Variants in PRKCH observed in about 807,000 individuals in gnomAD.
The protein encoded by PRKCH is protein kinase C eta.
PRKCH carries 28 observed loss-of-function variants against 82.5 expected under a neutral mutation model. The ratio of observed to expected loss-of-function variants is 0.34; its 90% confidence interval spans 0.25 to 0.47. PRKCH has a LOEUF of 0.47. Among genes scored for constraint, PRKCH ranks in the 20% least tolerant of loss-of-function variants. The probability of loss-of-function intolerance (pLI) is 1.00; values close to 1 mark genes in which losing one functional copy is unlikely to be tolerated. For missense variants in PRKCH, 705 were observed against 881.8 expected, an observed-to-expected ratio of 0.80 and a Z score of 2.54; for synonymous variants, 322 against 327.4, an observed-to-expected ratio of 0.98 and a Z score of 0.18.
At chr14:61,332,140 T>C (rs2045797051) in intron 1 of PRKCH, among the ~76,000 whole-genome samples, 1 of 152,222 alleles carries the variant, frequency 6.6e-6, no homozygotes, top group African/African-American at 2.4e-5. Context: ...AGCATTATTG[T>C]CCCAAAGTAT....
chr14:61,214,388 G>A (rs1297623464), intron 1 of PRKCH, among the ~76,000 whole-genome samples: 3 of 152,100 alleles, frequency 2.0e-5, no homozygotes, highest in Admixed American at 1.3e-4. Flanking sequence ...TCCAGTCTAT[G>A]TCTGTCATTC....
At chr14:61,348,831 A>C (rs150520608) in intron 1 of PRKCH, among the ~76,000 whole-genome samples, 3 of 152,342 alleles carry the variant, frequency 2.0e-5, no homozygotes, top group Non-Finnish European at 4.4e-5. Flanking sequence ...ATAATCAGTG[A>C]GTCACCCTCC....
intron 1 of PRKCH, among the ~76,000 whole-genome samples, chr14:61,292,530 T>C (rs575775790): frequency 1.1e-3 from 167 of 151,886 alleles, no homozygotes; most frequent in Non-Finnish European, 1.5e-3. Flanking sequence ...ATCCCAGCAC[T>C]TTTGGAGGCT....
chr14:61,455,506 C>A (rs1884724508), intron 7 of PRKCH, among the ~76,000 whole-genome samples: 1 of 152,086 alleles, frequency 6.6e-6, no homozygotes, highest in Admixed American at 6.5e-5. Flanking sequence ...TATTTGAAAT[C>A]CGGTCTGTCT....
chr14:61,259,349 C>T (rs1004283831), intron 1 of PRKCH, among the ~76,000 whole-genome samples: 6 of 152,200 alleles, frequency 3.9e-5, no homozygotes, highest in Non-Finnish European at 7.3e-5. Context: ...TTATCAAAAG[C>T]ATTTTCTGGG....
intron 2 of PRKCH, among the ~76,000 whole-genome samples, chr14:61,428,672 A>T (rs568403119): frequency 6.6e-6 from 1 of 152,270 alleles, no homozygotes; most frequent in South Asian, 2.1e-4. Flanking sequence ...TAATTGATCT[A>T]CTTTACTTCG....
At chr14:61,322,695 A>G in intron 1 of PRKCH, 1 of 544,590 alleles carries the variant, frequency 1.8e-6, no homozygotes, top group Non-Finnish European at 3.1e-6. Context: ...CTTTCAGGAC[A>G]GCGGCTTGGC....
chr14:61,329,700 CATT>C (rs1400564774), intron 1 of PRKCH, among the ~76,000 whole-genome samples: 1 of 152,312 alleles, frequency 6.6e-6, no homozygotes, highest in Non-Finnish European at 1.5e-5. Flanking sequence ...CTTCAGGTCT[CATT>C]ATGGGCATTA....
At chr14:61,429,995 C>T (rs570616830) in intron 2 of PRKCH, among the ~76,000 whole-genome samples, 48 of 152,268 alleles carry the variant, frequency 3.2e-4, no homozygotes, top group African/African-American at 1.1e-3. Context: ...CTTCAGTCTA[C>T]ACATACATAG....
intron 10 of PRKCH, among the ~76,000 whole-genome samples, chr14:61,515,803 T>G (rs2042818512): frequency 1.3e-5 from 2 of 152,212 alleles, no homozygotes; most frequent in Admixed American, 1.3e-4. Flanking sequence ...TCTTTATCAG[T>G]GTTGATTCTT....
intron 1 of PRKCH, among the ~76,000 whole-genome samples, chr14:61,217,583 C>A (rs1317031867): frequency 2.6e-5 from 4 of 152,290 alleles, no homozygotes; most frequent in Non-Finnish European, 5.9e-5. Flanking sequence ...ATCTTCCCAA[C>A]CTCTCCATAG....
intron 7 of PRKCH, among the ~76,000 whole-genome samples, chr14:61,455,303 G>A (rs1046304978): frequency 1.3e-4 from 19 of 151,166 alleles, no homozygotes; most frequent in Admixed American, 9.2e-4. Flanking sequence ...GCCTCCCAAC[G>A]TGCTGGGATT....
At chr14:61,439,975 T>C (rs1287794644) in intron 2 of PRKCH, among the ~76,000 whole-genome samples, 1 of 152,206 alleles carries the variant, frequency 6.6e-6, no homozygotes, top group African/African-American at 2.4e-5. Flanking sequence ...ATCTTTGTAG[T>C]ATTAAGGGAT....
intron 2 of PRKCH, among the ~76,000 whole-genome samples, chr14:61,394,180 T>A (rs2046731638): frequency 6.6e-6 from 1 of 152,198 alleles, no homozygotes; most frequent in African/African-American, 2.4e-5. Context: ...GTTTTAATGT[T>A]AAAGTTTTTC....
At chr14:61,353,815 T>A in intron 1 of PRKCH, 1 of 152,108 alleles carries the variant, frequency 6.6e-6, no homozygotes, top group Non-Finnish European at 1.5e-5. Flanking sequence ...CACATGACTG[T>A]GGTCCTAGCT....
intron 2 of PRKCH, among the ~76,000 whole-genome samples, chr14:61,410,027 CTG>C (rs1213958016): frequency 6.6e-6 from 1 of 152,132 alleles, no homozygotes; most frequent in Non-Finnish European, 1.5e-5. Context: ...TTGGTTCACT[CTG>C]TGTATTTTTA....
intron 1 of PRKCH, among the ~76,000 whole-genome samples, chr14:61,323,352 C>T (rs2140118700): frequency 6.6e-6 from 1 of 152,288 alleles, no homozygotes; most frequent in African/African-American, 2.4e-5. Context: ...CTAATCCTCA[C>T]ACTGTCTTTG....
intron 2 of PRKCH, among the ~76,000 whole-genome samples, chr14:61,414,640 G>C (rs959653524): frequency 1.4e-5 from 2 of 143,326 alleles, no homozygotes; most frequent in Non-Finnish European, 3.0e-5. Flanking sequence ...AGGCTGCACT[G>C]GCTAAGTTTT....
chr14:61,454,199 G>T (rs1257637472), intron 7 of PRKCH, among the ~76,000 whole-genome samples: 1 of 151,796 alleles, frequency 6.6e-6, no homozygotes, highest in Non-Finnish European at 1.5e-5. Context: ...CACCTCCCAG[G>T]TTCAAGCAAT....
Sources: gnomAD v4.1 joint callset for allele counts (sites outside exome capture counted in the v4.1 genomes callset) on GRCh38, gnomAD v4.1.1 for gene constraint, MANE v1.5 for transcripts, NCBI Gene and HGNC (gene_info 2026-07-23, HGNC 2026-07-21) for gene names.